Variants in ARMH3 observed in about 807,000 individuals in gnomAD.
The protein encoded by ARMH3 is armadillo like helical domain containing 3.
ARMH3 carries 60 observed loss-of-function variants against 99.1 expected under a neutral mutation model. The observed-to-expected ratio is 0.61, with a 90% CI of 0.49 to 0.75. The LOEUF (loss-of-function observed/expected upper bound fraction) is 0.75. Ranked by LOEUF, ARMH3 falls within the 30% of genes least tolerant of loss-of-function variation. ARMH3 has a pLI of 0.00. For missense variants in ARMH3, 679 were observed against 843.1 expected (o/e 0.81, Z 2.41); for synonymous variants, 285 against 292.8 (o/e 0.97, Z 0.27).
intron 8 of ARMH3, among the ~76,000 whole-genome samples, chr10:102,020,834 T>C (rs2066868389): frequency 7.3e-6 from 1 of 136,636 alleles, no homozygotes; most frequent in African/African-American, 2.8e-5. Flanking sequence ...GGCAACAGAC[T>C]AAGACTCTGT....
At chr10:101,980,344 G>A (rs1332124122) in intron 19 of ARMH3, among the ~76,000 whole-genome samples, 2 of 152,120 alleles carry the variant, frequency 1.3e-5, no homozygotes, top group African/African-American at 4.8e-5. Context: ...TGTCACAGTG[G>A]CTGGAGTGCA....
At chr10:102,008,807 C>A (rs1024021199) in intron 13 of ARMH3, among the ~76,000 whole-genome samples, 1 of 151,906 alleles carries the variant, frequency 6.6e-6, no homozygotes, top group Non-Finnish European at 1.5e-5. Flanking sequence ...CCTTGTGATC[C>A]GCCCACCTCA....
intron 24 of ARMH3, among the ~76,000 whole-genome samples, chr10:101,872,865 G>T (rs2067163553): frequency 1.3e-5 from 2 of 151,804 alleles, no homozygotes; most frequent in African/African-American, 4.8e-5. Flanking sequence ...GGCTGAGACA[G>T]GAGAATTGCT....
At chr10:102,048,750 G>C (rs1484109226) in intron 1 of ARMH3, among the ~76,000 whole-genome samples, 2 of 152,080 alleles carry the variant, frequency 1.3e-5, no homozygotes, top group African/African-American at 4.8e-5. Flanking sequence ...TATCAAGCCA[G>C]CAATAGTCCC....
At chr10:101,955,914 T>C (rs1301943687) in intron 22 of ARMH3, among the ~76,000 whole-genome samples, 1 of 152,248 alleles carries the variant, frequency 6.6e-6, no homozygotes, top group Non-Finnish European at 1.5e-5. Context: ...TATATGTCAA[T>C]TATACTTCAA....
chr10:101,918,242 C>G (rs888316797), intron 23 of ARMH3, among the ~76,000 whole-genome samples: 1 of 152,080 alleles, frequency 6.6e-6, no homozygotes, highest in Admixed American at 6.6e-5. Context: ...TTAGTAGAGA[C>G]GGGGTTTCAC....
At chr10:102,047,357 G>A (rs974600854) in intron 1 of ARMH3, among the ~76,000 whole-genome samples, 1 of 152,132 alleles carries the variant, frequency 6.6e-6, no homozygotes, top group Non-Finnish European at 1.5e-5. Context: ...CTAAGAGTCT[G>A]TACAATCCTC....
rs547028399 is a variant in ARMH3 at position 101,887,928 on chromosome 10, G to GGCA, written c.1860+1483_1860+1484insTGC. 1.4e-4 allele frequency among the ~76,000 whole-genome samples: 22 copies of GGCA among 152,122 alleles called. No homozygotes were observed. In the South Asian group the frequency reaches 4.6e-3, roughly 32 times the overall value. On this transcript the variant is annotated intron_variant, in intron 24 of 25. Coordinates refer to ENST00000370033, the MANE Select transcript of ARMH3 (RefSeq NM_024541.3). ...CGTGCTTGCTAATCATCCTTTCACA[G>GGCA]ATTGCCTTGTGTGCCAGAAAGGATT...
chr10:102,048,754 T>C (rs1034800714), intron 1 of ARMH3, among the ~76,000 whole-genome samples: 6 of 152,132 alleles, frequency 3.9e-5, no homozygotes, highest in South Asian at 4.1e-4. Flanking sequence ...AAGCCAGCAA[T>C]AGTCCCCTAC....
At chr10:102,009,208 A>T (rs2066576289) in intron 13 of ARMH3, among the ~76,000 whole-genome samples, 166 bp downstream of exon 13, 1 of 152,220 alleles carries the variant, frequency 6.6e-6, no homozygotes, top group Admixed American at 6.5e-5. Context: ...AAACATACAT[A>T]TTTGAGGACA....
intron 20 of ARMH3, among the ~76,000 whole-genome samples, chr10:101,962,887 A>T (rs1189934009): frequency 6.6e-6 from 1 of 152,158 alleles, no homozygotes; most frequent in African/African-American, 2.4e-5. Context: ...CCATACTTTG[A>T]TCACAATTCC....
intron 17 of ARMH3, among the ~76,000 whole-genome samples, chr10:101,993,286 G>GA (rs35314567): frequency 4.0e-4 from 52 of 129,600 alleles, no homozygotes; most frequent in Admixed American, 6.2e-4. Flanking sequence ...CTCAAAAAAA[G>GA]AAAAAAAAAA....
At chr10:101,852,072 G>GGC (rs1302309787) in intron 24 of ARMH3, among the ~76,000 whole-genome samples, 1 of 152,200 alleles carries the variant, frequency 6.6e-6, no homozygotes, top group East Asian at 1.9e-4. Context: ...AGGCAGAATA[G>GGC]AGTAATACAT....
intron 2 of ARMH3, among the ~76,000 whole-genome samples, chr10:102,038,089 C>A (rs986098433): frequency 8.8e-6 from 1 of 113,316 alleles, no homozygotes; most frequent in African/African-American, 3.5e-5. Flanking sequence ...AGAAAGAATC[C>A]TTTTTTTTTT....
chr10:101,847,691 C>T lies in ARMH3; in HGVS notation c.1978-71G>A, dbSNP rs3740420. 9.4e-4 allele frequency: 1,310 copies of T among 1,395,386 alleles called. 31 individuals are homozygous for T. In the East Asian group the frequency reaches 0.024, roughly 25 times the overall value. 86.4% of individuals were successfully genotyped at this position (1,395,386 alleles called of 1,614,324 possible). ...AAAACAGGAGAGAGTCAGTTCTAAACGGCAGAGGACAGTGCCTGCTACACG... is the reference window on the plus strand; with the variant it reads ...AAAACAGGAGAGAGTCAGTTCTAAATGGCAGAGGACAGTGCCTGCTACACG... On this transcript the variant is annotated intron_variant, in intron 25 of 25. Transcript: ENST00000370033.
intron 22 of ARMH3, among the ~76,000 whole-genome samples, chr10:101,940,870 C>T (rs1839071195): frequency 6.6e-6 from 1 of 152,192 alleles, no homozygotes; most frequent in Non-Finnish European, 1.5e-5. Context: ...TTCAGAGCCA[C>T]ACATGCCATT....
chr10:101,870,843 G>A (rs569034110), intron 24 of ARMH3, among the ~76,000 whole-genome samples: 3 of 152,160 alleles, frequency 2.0e-5, no homozygotes, highest in Non-Finnish European at 4.4e-5. Flanking sequence ...GGAGGCTGAA[G>A]TGGGAGGATC....
chr10:101,938,210 G>T (rs777328098), intron 23 of ARMH3, among the ~76,000 whole-genome samples: 1 of 152,076 alleles, frequency 6.6e-6, no homozygotes, highest in East Asian at 1.9e-4. Context: ...TACTGAGTCC[G>T]GTTATTAGCA....
Position 101,946,042 on chromosome 10 carries a change from AGCCTGGGCGACAGAGTAAGACTCTGCCTC to A in ARMH3, c.1706-6133_1706-6105del, listed in dbSNP as rs1260199847. 3.9e-4 allele frequency among the ~76,000 whole-genome samples: 50 copies of A among 129,480 alleles called. 1 individual carries two copies. Among genetic ancestry groups the A allele is most frequent in the Non-Finnish European group, 6.3e-4 (39 of 61,982 alleles). The allele number at this position is 129,480 out of a possible 152,430, so 84.9% of individuals were successfully genotyped here. A position where few individuals can be genotyped will look rare whatever the true frequency, so the allele number is the denominator to read the frequency against. On this transcript the variant is annotated intron_variant, in intron 22 of 25. Coordinates refer to ENST00000370033, the MANE Select transcript of ARMH3 (RefSeq NM_024541.3). The stretch of plus-strand genomic sequence containing the variant: ...AGGTTGCAGTGGGCCACTGCACTCC[AGCCTGGGCGACAGAGTAAGACTCTGCCTC>A]AAAAAAAAAAAAAAAAAAAAAAAAA...
Sources: allele counts gnomAD v4.1 joint callset (sites outside exome capture counted in the v4.1 genomes callset), GRCh38; gene constraint gnomAD v4.1.1; transcripts MANE v1.5; gene names NCBI Gene and HGNC (gene_info 2026-07-23, HGNC 2026-07-21).